The following ZRANB3 variants were observed in gnomAD, a reference collection of about 807,000 sequenced individuals.
ZRANB3 encodes zinc finger RANBP2-type containing 3, also known as DNA annealing helicase and endonuclease ZRANB3.
In ZRANB3, 125 loss-of-function variants were observed where a neutral mutation model predicts 133.8. The ratio of observed to expected loss-of-function variants is 0.93; its 90% CI spans 0.81 to 1.08. The LOEUF is 1.08. Among genes scored for constraint, ZRANB3 ranks in the 50% least tolerant of loss-of-function variants. The probability of loss-of-function intolerance (pLI) is 0.00; values close to 1 mark genes in which losing one functional copy is unlikely to be tolerated. For synonymous variants in ZRANB3, 387 were observed against 432.7 expected, an observed-to-expected ratio of 0.89 and a Z score of 1.31; for missense variants, 1,229 against 1,275.5, an observed-to-expected ratio of 0.96 and a Z score of 0.56.
intron 19 of ZRANB3, 51 bp downstream of exon 19, chr2:135,207,383 T>C (rs1693912629): frequency 6.6e-7 from 1 of 1,517,614 alleles, no homozygotes; most frequent in African/African-American, 1.4e-5. Context: ...GAGTCAATAT[T>C]CATTACTCAG....
chr2:135,346,276 A>G (rs1307486150), intron 5 of ZRANB3, among the ~76,000 whole-genome samples: 1 of 151,864 alleles, frequency 6.6e-6, no homozygotes, highest in Non-Finnish European at 1.5e-5. Context: ...TTGTTTTTGT[A>G]TTTTTAGTAG....
At chr2:135,379,015 T>C (rs1479387170) in intron 3 of ZRANB3, among the ~76,000 whole-genome samples, 1 of 152,286 alleles carries the variant, frequency 6.6e-6, no homozygotes, top group East Asian at 1.9e-4. Flanking sequence ...AAAACCTGCA[T>C]AAAGTATGGT....
At chr2:135,314,422 T>C (rs1257354777) in intron 7 of ZRANB3, among the ~76,000 whole-genome samples, 2 of 152,216 alleles carry the variant, frequency 1.3e-5, no homozygotes, top group African/African-American at 4.8e-5. Flanking sequence ...TTGCTCAATG[T>C]TTACAAAATG....
intron 8 of ZRANB3, among the ~76,000 whole-genome samples, chr2:135,308,554 C>A (rs1682809485): frequency 6.6e-6 from 1 of 152,076 alleles, no homozygotes; most frequent in Admixed American, 6.6e-5. Context: ...TTATTGTGAT[C>A]TTTTTTCTTT....
chr2:135,392,170 C>T (rs1363175004), intron 2 of ZRANB3, among the ~76,000 whole-genome samples: 2 of 151,746 alleles, frequency 1.3e-5, no homozygotes, highest in Non-Finnish European at 2.9e-5. Context: ...GGCAAGAGGC[C>T]AGGTACAGTG....
In ZRANB3 at chr2:135,407,420, G is replaced by C. The variant is rs2104948841; in HGVS notation, c.162-16600C>G. Among the ~76,000 whole-genome samples, 4 of 151,614 alleles carry C rather than the reference G, an allele frequency of 2.6e-5. No individual in the cohort carries two copies. In the South Asian group the frequency reaches 8.4e-4, roughly 32 times the overall value. On this transcript the variant is annotated intron_variant, in intron 2 of 20. Transcript: ENST00000264159. ...GCCCAAGGTAATTTATAGATTCAATGCCATCCCCATCAAGCTACCAATGAC... is the reference window on the plus strand; with the variant it reads ...GCCCAAGGTAATTTATAGATTCAATCCCATCCCCATCAAGCTACCAATGAC...
At chr2:135,398,950 T>G (rs1687620864) in intron 2 of ZRANB3, among the ~76,000 whole-genome samples, 1 of 152,226 alleles carries the variant, frequency 6.6e-6, no homozygotes, top group African/African-American at 2.4e-5. Context: ...CTGTGTTCAG[T>G]ACACTTGTTG....
intron 2 of ZRANB3, among the ~76,000 whole-genome samples, chr2:135,397,890 A>G (rs1055144016): frequency 6.6e-6 from 1 of 152,068 alleles, no homozygotes; most frequent in Non-Finnish European, 1.5e-5. Context: ...AAACATATAC[A>G]AGGAGGAGAC....
intron 12 of ZRANB3, among the ~76,000 whole-genome samples, chr2:135,260,637 A>G (rs1309321329): frequency 1.4e-5 from 2 of 146,944 alleles, no homozygotes; most frequent in Admixed American, 6.9e-5. Flanking sequence ...TACTATATGT[A>G]CTATATATGT....
chr2:135,380,493 T>A (rs1461237689), intron 3 of ZRANB3, among the ~76,000 whole-genome samples: 1 of 152,122 alleles, frequency 6.6e-6, no homozygotes, highest in African/African-American at 2.4e-5. Flanking sequence ...CAAATTAGAA[T>A]TCAGGATTAA....
Position 135,207,696 on chromosome 2 carries a change from T to A in ZRANB3, c.2747A>T (p.Gln916Leu), listed in dbSNP as rs372566181. ...NEGNPLCLRC[Q>L]QPTCQTKQAC... ...TTGCTTAGTCTGGCAAGTGGGTTGC[T>A]GACAGCGAAGGCAAAGTGGATTTCC... Residue 916 changes from glutamine to leucine, a missense_variant, in exon 19 of 21, where the codon CAG (glutamine) becomes CTG (leucine). Coordinates refer to ENST00000264159, the MANE Select transcript of ZRANB3 (RefSeq NM_032143.4). 1 of 1,614,044 alleles carries A rather than the reference T, an allele frequency of 6.2e-7. No homozygotes were observed. Among genetic ancestry groups the A allele is most frequent in the African/African-American group, 1.3e-5 (1 of 75,058 alleles).
At chr2:135,223,905 G>A (rs565212937) in intron 15 of ZRANB3, among the ~76,000 whole-genome samples, 1 of 152,314 alleles carries the variant, frequency 6.6e-6, no homozygotes, top group East Asian at 1.9e-4. Flanking sequence ...GATCATTGCA[G>A]GAATTAACAT....
At position 135,230,458 on chromosome 2, in the gene ZRANB3, A is replaced by G. The variant is rs1694949061; in HGVS notation, c.1954+55T>C. ...ACAGCAGTCTCTAAAAGCACAGGTT[A>G]TCTGAAGACACCACTAACAGCCCTT... is the stretch of plus-strand genomic sequence containing the variant. On this transcript the variant is annotated intron_variant, in intron 13 of 20. Transcript: ENST00000264159. 6 of 1,424,290 alleles carry G rather than the reference A, an allele frequency of 4.2e-6. No homozygotes were observed. In the South Asian group the frequency reaches 1.1e-4, roughly 27 times the overall value. The allele number at this position is 1,424,290 out of a possible 1,614,324, so 88.2% of individuals were successfully genotyped here. A position where few individuals can be genotyped will look rare whatever the true frequency, so the allele number is the denominator to read the frequency against.
intron 3 of ZRANB3, among the ~76,000 whole-genome samples, chr2:135,363,637 T>TGGGTA (rs1466284068): frequency 6.6e-6 from 1 of 152,030 alleles, no homozygotes; most frequent in Non-Finnish European, 1.5e-5. Flanking sequence ...TACAAGTGCT[T>TGGGTA]GGGTAGGGTA....
chr2:135,471,002 C>T (rs925583767), intron 2 of ZRANB3, among the ~76,000 whole-genome samples: 2 of 151,514 alleles, frequency 1.3e-5, no homozygotes, highest in Admixed American at 1.3e-4. Context: ...GGGGTTTCAC[C>T]GTGTTAGCCA....
At chr2:135,292,296 T>G (rs1209286623) in intron 8 of ZRANB3, among the ~76,000 whole-genome samples, 1 of 152,166 alleles carries the variant, frequency 6.6e-6, no homozygotes, top group Non-Finnish European at 1.5e-5. Flanking sequence ...TTCTAACTGG[T>G]GTGAGATGGT....
At chr2:135,524,245 C>T (rs1694060528) in intron 1 of ZRANB3, among the ~76,000 whole-genome samples, 1 of 152,066 alleles carries the variant, frequency 6.6e-6, no homozygotes, top group Admixed American at 6.6e-5. Context: ...CCACAGCTGG[C>T]TACTTTTTTG....
At position 135,306,284 on chromosome 2, in the gene ZRANB3, A is replaced by AT. The variant is rs146132259; in HGVS notation, c.966+7204dup. ...TTTTTATTCTTTTTTCATCTGACTG[A>AT]TTTTTTTTTTTTTTTTTTTCTGAGG... On this transcript the variant is annotated intron_variant, in intron 8 of 20. Coordinates refer to ENST00000264159, the MANE Select transcript of ZRANB3 (RefSeq NM_032143.4). Among the ~76,000 whole-genome samples the AT allele has an allele frequency of 3.7e-3, 456 of 123,946 alleles. 2 individuals are homozygous for AT. Among genetic ancestry groups the AT allele is most frequent in the African/African-American group, 5.7e-3 (184 of 32,442 alleles). 81.3% of individuals were successfully genotyped at this position (123,946 alleles called of 152,430 possible). A position where few individuals can be genotyped will look rare whatever the true frequency, so the allele number is the denominator to read the frequency against.
intron 1 of ZRANB3, among the ~76,000 whole-genome samples, chr2:135,521,574 C>T (rs1693941583): frequency 6.6e-6 from 1 of 152,158 alleles, no homozygotes. Flanking sequence ...GCTTCAGACA[C>T]TACAGAAGGT....
Sources: allele counts gnomAD v4.1 joint callset (sites outside exome capture counted in the v4.1 genomes callset), GRCh38; gene constraint gnomAD v4.1.1; transcripts MANE v1.5; gene names NCBI Gene and HGNC (gene_info 2026-07-23, HGNC 2026-07-21).